Variants in PZP observed in about 807,000 individuals in gnomAD.
PZP encodes the protein pregnancy zone protein.
In PZP, 150 loss-of-function variants were observed where a neutral mutation model predicts 179.8. The ratio of observed to expected loss-of-function variants is 0.83; its 90% CI spans 0.73 to 0.96. The LOEUF (loss-of-function observed/expected upper bound fraction) is 0.96, where lower values mean the gene tolerates loss of function less well. Ranked by LOEUF, PZP falls within the 40% of genes least tolerant of loss-of-function variation. PZP has a pLI of 0.00. For synonymous variants in PZP, 624 were observed against 652.3 expected (o/e 0.96, Z 0.66); for missense variants, 1,689 against 1,764.0 (o/e 0.96, Z 0.76).
chr12:9,148,789 A>G, downstream of PZP: 1 of 576,486 alleles, frequency 1.7e-6, no homozygotes, highest in Non-Finnish European at 3.0e-6. Context: ...AATATAACTC[A>G]TCATGTGAAC....
intron 23 of PZP, 99 bp from the exon 24 acceptor site, chr12:9,160,589 G>A: frequency 8.8e-7 from 1 of 1,132,966 alleles, no homozygotes; most frequent in Non-Finnish European, 1.3e-6. Flanking sequence ...CTATCATTTA[G>A]GTAAGAGAAA....
intron 7 of PZP, among the ~76,000 whole-genome samples, chr12:9,198,926 C>T (rs1943995180): frequency 6.6e-6 from 1 of 152,132 alleles, no homozygotes; most frequent in Non-Finnish European, 1.5e-5. Context: ...TTTAGGCTGG[C>T]ATATTCCTTT....
chr12:9,166,274 G>C, intron 17 of PZP, 72 bp from the exon 18 acceptor site: 2 of 1,504,116 alleles, frequency 1.3e-6, no homozygotes, highest in South Asian at 1.2e-5. Flanking sequence ...TGAGACGTTA[G>C]AGAACAAAAT....
intron 28 of PZP, among the ~76,000 whole-genome samples, chr12:9,155,545 G>A (rs188420374): frequency 6.6e-6 from 1 of 152,222 alleles, no homozygotes; most frequent in Non-Finnish European, 1.5e-5. Flanking sequence ...AGTTTCCACT[G>A]TAGAAGTTAT....
At chr12:9,197,830 T>C (rs1475463656) in intron 7 of PZP, among the ~76,000 whole-genome samples, 1 of 68,966 alleles carries the variant, frequency 1.4e-5, no homozygotes, top group African/African-American at 5.6e-5. Flanking sequence ...AATTATATAT[T>C]ATACAATATA....
chr12:9,150,014 A>G (rs1421925197), intron 34 of PZP, among the ~76,000 whole-genome samples: 1 of 152,126 alleles, frequency 6.6e-6, no homozygotes. Flanking sequence ...CTAGGATCCA[A>G]ATCAGATCTT....
At chr12:9,161,371 A>G (rs1158152407) in intron 22 of PZP, among the ~76,000 whole-genome samples, 1 of 152,226 alleles carries the variant, frequency 6.6e-6, no homozygotes, top group East Asian at 1.9e-4. Flanking sequence ...TAGAGTTAGC[A>G]GTAATATTAT....
chr12:9,180,724 C>G (rs1592511986), intron 15 of PZP, among the ~76,000 whole-genome samples: 1 of 152,338 alleles, frequency 6.6e-6, no homozygotes, highest in East Asian at 1.9e-4. Flanking sequence ...CATCACCATT[C>G]AGGACATAGG....
At position 9,208,330 on chromosome 12, in the gene PZP, G is replaced by C; in HGVS notation, c.12C>G (p.Asp4Glu). The change falls in exon 1 of 36, where the codon GAC (aspartate) becomes GAG (glutamate). Residue 4 changes from aspartate (D) to glutamate (E), a missense_variant. This residue lies in a region of PZP where 742 missense variants were observed against 730.5 expected (regional missense o/e 1.02). Transcript: ENST00000261336. The stretch of plus-strand genomic sequence containing the variant: ...GCACAAGACATAAATGAAGAAGTCT[G>C]TCTTTCCGCATTGTGAGGGATAAAT... MRK[D>E]RLLHLCLVLL... is the part of the protein sequence containing the mutation. 1 of 1,613,238 alleles carries C rather than the reference G, an allele frequency of 6.2e-7. No individual in the cohort carries two copies. The highest frequency in any genetic ancestry group is 8.5e-7 in the Non-Finnish European group (1 of 1,179,300).
At chr12:9,196,548 C>T in intron 9 of PZP, 23 bp downstream of exon 9, 1 of 1,581,068 alleles carries the variant, frequency 6.3e-7, no homozygotes, top group Non-Finnish European at 8.7e-7. Context: ...GTTTTATTTC[C>T]CATATTCGTT....
intron 11 of PZP, 27 bp downstream of exon 11, chr12:9,194,050 C>T: frequency 1.3e-6 from 2 of 1,586,670 alleles, no homozygotes; most frequent in Non-Finnish European, 8.6e-7. Context: ...TTCCTTTGTC[C>T]TCAGAGATTT....
chr12:9,173,548 G>GA (rs918419271), intron 15 of PZP, among the ~76,000 whole-genome samples: 4 of 151,232 alleles, frequency 2.6e-5, no homozygotes, highest in South Asian at 2.1e-4. Flanking sequence ...TGGTTTTTTT[G>GA]AAAAAAAGTT....
At chr12:9,157,380 T>A in intron 27 of PZP, 25 bp from the exon 28 acceptor site, 1 of 1,599,754 alleles carries the variant, frequency 6.3e-7, no homozygotes, top group Non-Finnish European at 8.5e-7. Context: ...TGTGGTTGTG[T>A]CAAACTAGGG....
rs1009802409 is a variant in PZP, at chr12:9,200,169, G to C, written c.755+195C>G. Among the ~76,000 whole-genome samples, 2 of 152,088 alleles carry C rather than the reference G, an allele frequency of 1.3e-5. 1 individual carries two copies. The highest frequency in any genetic ancestry group is 1.3e-4 in the Admixed American group (2 of 15,262). On this transcript the variant is annotated intron_variant, in intron 7 of 35. Coordinates refer to ENST00000261336, the MANE Select transcript of PZP (RefSeq NM_002864.3). ...GAAACAATACGGAAAGATGTTTATT[G>C]TTAAATCATAATTAAGTGTGTTTCT...
intron 13 of PZP, among the ~76,000 whole-genome samples, chr12:9,189,807 C>T (rs1402871689): frequency 6.6e-6 from 1 of 152,096 alleles, no homozygotes; most frequent in East Asian, 1.9e-4. Flanking sequence ...AAAAAACAAA[C>T]CACCACATTA....
At chr12:9,204,030 A>G in intron 1 of PZP, 79 bp from the exon 2 acceptor site, 1 of 1,318,530 alleles carries the variant, frequency 7.6e-7, no homozygotes, top group Non-Finnish European at 1.1e-6. Context: ...TTTCATAACA[A>G]TATGTATTAA....
At chr12:9,164,293 T>A (rs1344534700) in intron 19 of PZP, 34 bp from the exon 20 acceptor site, 3 of 1,606,468 alleles carry the variant, frequency 1.9e-6, no homozygotes, top group Non-Finnish European at 1.7e-6. Flanking sequence ...ACAGAAATGA[T>A]CAGAATATGG....
rs777368214 is a variant in PZP, at chr12:9,181,069, C to T, written c.1753G>A (p.Ala585Thr). 2 of 1,614,048 alleles carry T rather than the reference C, an allele frequency of 1.2e-6. No homozygotes were observed. The highest frequency in any genetic ancestry group is 1.1e-5 in the South Asian group (1 of 91,074). The change falls in exon 15 of 36, where the codon GCT (alanine) becomes ACT (threonine). Residue 585 changes from alanine (A) to threonine (T), a missense_variant. Around this residue, in one of 3 missense-constraint regions of PZP, gnomAD observed 742 missense variants for 730.5 expected, o/e 1.02. Transcript: ENST00000261336. ...PASHAHLQVA[A>T]APQSLCALRA... ...AGGGCACAGAGGGACTGCGGAGCAG[C>T]TGCTACTTGCAGGTGGGCATGTGAG...
Position 9,152,293 on chromosome 12 carries a change from G to T in PZP, c.4139C>A (p.Pro1380His). Residue 1380 changes from proline (P) to histidine (H), a missense_variant, in exon 32 of 36, where the codon CCT becomes CAT. Pro to His is a moderately conservative substitution (Grantham distance 77). Transcript: ENST00000261336. Reference protein sequence around the residue: ...SLTISYTGNRPASNMVIVDVK... With the variant: ...SLTISYTGNRHASNMVIVDVK... ...ATCAACAATCACCATATTGGAAGCA[G>T]GACGGTTTCCTGTGTAACTGTAGTG... is the stretch of plus-strand genomic sequence containing the variant. 1.9e-6 allele frequency: 3 copies of T among 1,613,290 alleles called. No homozygotes were observed. Among genetic ancestry groups the T allele is most frequent in the Non-Finnish European group, 1.7e-6 (2 of 1,179,314 alleles).
Sources: allele counts gnomAD v4.1 joint callset (sites outside exome capture counted in the v4.1 genomes callset), GRCh38; gene constraint gnomAD v4.1.1; regional missense constraint gnomAD v4.1.1; transcripts MANE v1.5; gene names NCBI Gene and HGNC (gene_info 2026-07-23, HGNC 2026-07-21).